ALK: variants seen among roughly 807,000 people sequenced by gnomAD.
ALK encodes the protein ALK receptor tyrosine kinase.
In ALK, 74 loss-of-function variants were observed where a neutral mutation model predicts 163.1. The observed-to-expected ratio is 0.45, with a 90% CI of 0.38 to 0.55. The LOEUF (loss-of-function observed/expected upper bound fraction) is 0.55. Ranked by LOEUF, ALK falls within the 20% of genes least tolerant of loss-of-function variation. The probability of loss-of-function intolerance (pLI) is 0.00; values close to 1 mark genes in which losing one functional copy is unlikely to be tolerated. For synonymous variants in ALK, 960 were observed against 843.2 expected (o/e 1.14, Z -2.40); for missense variants, 2,063 against 2,105.3 (o/e 0.98, Z 0.39).
chr2:29,247,278 T>C (rs1664704352), intron 12 of ALK, among the ~76,000 whole-genome samples: 2 of 152,226 alleles, frequency 1.3e-5, no homozygotes, highest in African/African-American at 2.4e-5. Context: ...GCAGGGCCTC[T>C]GGGGCAGGGC....
intron 1 of ALK, among the ~76,000 whole-genome samples, chr2:29,829,198 GA>G (rs2148384991): frequency 6.7e-6 from 1 of 150,220 alleles, no homozygotes; most frequent in Admixed American, 6.7e-5. Flanking sequence ...ATAGCATTAG[GA>G]GATATACCTA....
At chr2:29,866,712 C>A (rs1217341250) in intron 1 of ALK, among the ~76,000 whole-genome samples, 1 of 152,064 alleles carries the variant, frequency 6.6e-6, no homozygotes, top group African/African-American at 2.4e-5. Flanking sequence ...AAAAGAACTT[C>A]GTAATTAAAG....
intron 6 of ALK, among the ~76,000 whole-genome samples, chr2:29,327,732 T>C (rs977218971): frequency 1.3e-5 from 2 of 152,156 alleles, no homozygotes; most frequent in African/African-American, 4.8e-5. Flanking sequence ...AAACTATTCA[T>C]AAAAAGTAAT....
At chr2:29,816,374 T>C (rs1302033719) in intron 1 of ALK, among the ~76,000 whole-genome samples, 1 of 152,194 alleles carries the variant, frequency 6.6e-6, no homozygotes, top group Non-Finnish European at 1.5e-5. Flanking sequence ...ATCGATGAGA[T>C]ACTTACATAC....
At chr2:29,738,578 A>T (rs547294776) in intron 1 of ALK, among the ~76,000 whole-genome samples, 3 of 152,186 alleles carry the variant, frequency 2.0e-5, no homozygotes, top group East Asian at 3.9e-4. Context: ...ACGAGGAGAA[A>T]TATGAGACGT....
chr2:29,813,022 G>C (rs1178995054), intron 1 of ALK, among the ~76,000 whole-genome samples: 2 of 152,196 alleles, frequency 1.3e-5, no homozygotes, highest in Non-Finnish European at 2.9e-5. Context: ...ACCAGGACCT[G>C]GGTATGACAG....
intron 4 of ALK, among the ~76,000 whole-genome samples, chr2:29,451,103 G>A (rs1014733605): frequency 2.0e-5 from 3 of 152,112 alleles, no homozygotes; most frequent in Admixed American, 6.5e-5. Context: ...TAAGTGGTGT[G>A]TTTTCTAATC....
chr2:29,431,221 G>A (rs1218271207), intron 4 of ALK, among the ~76,000 whole-genome samples: 1 of 152,114 alleles, frequency 6.6e-6, no homozygotes, highest in Non-Finnish European at 1.5e-5. Flanking sequence ...TAGGAGGTTT[G>A]AAAATCTAAC....
Position 29,575,812 on chromosome 2 carries a change from T to C in ALK, c.953-43696A>G, listed in dbSNP as rs569967252. Among the ~76,000 whole-genome samples, 33 of 152,290 alleles carry C rather than the reference T, an allele frequency of 2.2e-4. No individual in the cohort carries two copies. In the East Asian group the frequency reaches 2.5e-3, roughly 12 times the overall value. ...CTTCTGCAGTGCTGTGGCCCCAGCATGGTGTTTCTTTTGGTCAAGTCTGCT... is the reference window on the plus strand; with the variant it reads ...CTTCTGCAGTGCTGTGGCCCCAGCACGGTGTTTCTTTTGGTCAAGTCTGCT... On this transcript the variant is annotated intron_variant, in intron 3 of 28. Transcript: ENST00000389048.
chr2:29,276,284 C>A (rs551510786), intron 9 of ALK, among the ~76,000 whole-genome samples: 1 of 152,266 alleles, frequency 6.6e-6, no homozygotes, highest in East Asian at 1.9e-4. Flanking sequence ...AACAACAAAC[C>A]CATTAAGATA....
chr2:29,205,207 C>T (rs1337077110), intron 26 of ALK, among the ~76,000 whole-genome samples: 1 of 152,146 alleles, frequency 6.6e-6, no homozygotes. Context: ...CCTAAACTTT[C>T]TACATGTTTC....
At chr2:29,525,520 G>A (rs1379997959) in intron 4 of ALK, among the ~76,000 whole-genome samples, 3 of 152,086 alleles carry the variant, frequency 2.0e-5, no homozygotes, top group East Asian at 1.9e-4. Flanking sequence ...GGCCGGGTGC[G>A]GTGGCTCATG....
chr2:29,759,700 T>C (rs557597341), intron 1 of ALK, among the ~76,000 whole-genome samples: 1 of 152,336 alleles, frequency 6.6e-6, no homozygotes, highest in East Asian at 1.9e-4. Context: ...TTGGGTTGCA[T>C]GATCTTGTGA....
At chr2:29,530,217 C>T (rs960504857) in intron 4 of ALK, among the ~76,000 whole-genome samples, 1 of 152,108 alleles carries the variant, frequency 6.6e-6, no homozygotes, top group Admixed American at 6.5e-5. Flanking sequence ...CAGTTTTCTC[C>T]TCTTTTAAAT....
At chr2:29,404,133 A>G (rs533898795) in intron 4 of ALK, among the ~76,000 whole-genome samples, 1 of 152,048 alleles carries the variant, frequency 6.6e-6, no homozygotes, top group East Asian at 1.9e-4. Flanking sequence ...GTGAAACCCC[A>G]TCTCTACTAA....
intron 3 of ALK, among the ~76,000 whole-genome samples, chr2:29,683,948 T>TA (rs1476684939): frequency 6.6e-6 from 1 of 152,190 alleles, no homozygotes; most frequent in Non-Finnish European, 1.5e-5. Flanking sequence ...GCCACAGAGG[T>TA]AAAATGACCC....
At chr2:29,657,295 G>C (rs536571708) in intron 3 of ALK, among the ~76,000 whole-genome samples, 1 of 152,300 alleles carries the variant, frequency 6.6e-6, no homozygotes, top group South Asian at 2.1e-4. Flanking sequence ...CTCAGAGTCA[G>C]AAGTCCTGAT....
chr2:29,360,111 T>C (rs1185134303), intron 5 of ALK, among the ~76,000 whole-genome samples: 2 of 152,166 alleles, frequency 1.3e-5, no homozygotes, highest in Non-Finnish European at 2.9e-5. Flanking sequence ...GCCTGAGGTG[T>C]GCACTAAAAT....
At chr2:29,604,453 T>C (rs1468486729) in intron 3 of ALK, among the ~76,000 whole-genome samples, 1 of 152,184 alleles carries the variant, frequency 6.6e-6, no homozygotes, top group Non-Finnish European at 1.5e-5. Flanking sequence ...TTTTTACTTA[T>C]TGAATTTCTC....
Sources: gnomAD v4.1 joint callset for allele counts (sites outside exome capture counted in the v4.1 genomes callset) on GRCh38, gnomAD v4.1.1 for gene constraint, MANE v1.5 for transcripts, NCBI Gene and HGNC (gene_info 2026-07-23, HGNC 2026-07-21) for gene names.